The following POU2AF2 variants were observed in gnomAD, a reference collection of about 807,000 sequenced individuals.
The protein encoded by POU2AF2 is POU class 2 homeobox associating factor 2.
the POU2AF2 span, among the ~76,000 whole-genome samples, chr11:111,264,570 AAGAAAGG>A: frequency 3.1e-5 from 1 of 32,276 alleles, no homozygotes; most frequent in East Asian, 5.9e-4. Flanking sequence ...GAAAGAAAGA[AAGAAAGG>A]GAGAGAGAAA....
At chr11:111,254,958 T>C in the POU2AF2 span, among the ~76,000 whole-genome samples, 1 of 152,208 alleles carries the variant, frequency 6.6e-6, no homozygotes, top group Non-Finnish European at 1.5e-5. Flanking sequence ...GAAAACATCT[T>C]AGAATTCCTC....
the POU2AF2 span, among the ~76,000 whole-genome samples, chr11:111,258,905 T>C: frequency 6.6e-6 from 1 of 152,192 alleles, no homozygotes; most frequent in Non-Finnish European, 1.5e-5. Flanking sequence ...GCTGAGGTCT[T>C]GCTATTGACC....
At chr11:111,280,278 G>A in the POU2AF2 span, among the ~76,000 whole-genome samples, 1 of 151,892 alleles carries the variant, frequency 6.6e-6, no homozygotes, top group Non-Finnish European at 1.5e-5. Context: ...TCCTCCACAT[G>A]GATTCAGACA....
chr11:111,256,237 TGACA>T, the POU2AF2 span: 2 of 396,286 alleles, frequency 5.0e-6, no homozygotes, highest in Non-Finnish European at 8.9e-6. Flanking sequence ...AATTATTCTG[TGACA>T]GACAATCTTT....
At chr11:111,260,296 C>T in the POU2AF2 span, among the ~76,000 whole-genome samples, 26 of 152,238 alleles carry the variant, frequency 1.7e-4, no homozygotes, top group Non-Finnish European at 2.2e-4. Context: ...CAGTCAGAGG[C>T]CCTACCATGT....
the POU2AF2 span, among the ~76,000 whole-genome samples, chr11:111,252,275 C>T: frequency 6.6e-6 from 1 of 152,280 alleles, no homozygotes; most frequent in South Asian, 2.1e-4. Flanking sequence ...AAAGGCCTTA[C>T]TCATATGTAT....
chr11:111,258,763 A>G, the POU2AF2 span, among the ~76,000 whole-genome samples: 1 of 152,024 alleles, frequency 6.6e-6, no homozygotes, highest in Non-Finnish European at 1.5e-5. Flanking sequence ...TCATTGTGTC[A>G]TTTTTTTTAC....
At chr11:111,271,631 C>T in the POU2AF2 span, among the ~76,000 whole-genome samples, 1 of 152,044 alleles carries the variant, frequency 6.6e-6, no homozygotes, top group Non-Finnish European at 1.5e-5. Context: ...ACTGTCTTGC[C>T]CAGGCTAGTC....
At chr11:111,265,173 A>G in the POU2AF2 span, among the ~76,000 whole-genome samples, 55 of 152,144 alleles carry the variant, frequency 3.6e-4, 1 homozygote, top group Non-Finnish European at 1.2e-4. Flanking sequence ...TGTCTGCAGC[A>G]TAGAGAAGTG....
At chr11:111,273,769 T>C in the POU2AF2 span, among the ~76,000 whole-genome samples, 88 of 152,294 alleles carry the variant, frequency 5.8e-4, no homozygotes, top group African/African-American at 2.0e-3. Flanking sequence ...TTTACTACCT[T>C]GGTGACCTAT....
At chr11:111,265,957 C>T in the POU2AF2 span, among the ~76,000 whole-genome samples, 5 of 151,880 alleles carry the variant, frequency 3.3e-5, no homozygotes, top group Admixed American at 2.0e-4. Flanking sequence ...GTCGAGATGG[C>T]TAGAGTTGAA....
the POU2AF2 span, among the ~76,000 whole-genome samples, chr11:111,276,451 A>ATAT: frequency 5.9e-3 from 248 of 41,840 alleles, no homozygotes; most frequent in African/African-American, 0.017. Flanking sequence ...AAAAAAAAAA[A>ATAT]AAATATATAT....
the POU2AF2 span, among the ~76,000 whole-genome samples, chr11:111,252,809 A>G: frequency 6.6e-6 from 1 of 152,090 alleles, no homozygotes; most frequent in Non-Finnish European, 1.5e-5. Context: ...CCTTGACACC[A>G]TAATTCTCTC....
chr11:111,262,880 A>C, the POU2AF2 span, among the ~76,000 whole-genome samples: 1 of 152,242 alleles, frequency 6.6e-6, no homozygotes, highest in African/African-American at 2.4e-5. Flanking sequence ...AGTGAAGCAA[A>C]TTAATACATC....
At chr11:111,247,205 G>GAGAGAGAGAA in the POU2AF2 span, among the ~76,000 whole-genome samples, 1 of 151,950 alleles carries the variant, frequency 6.6e-6, no homozygotes, top group Non-Finnish European at 1.5e-5. Context: ...GAGAGAGAGA[G>GAGAGAGAGAA]AGAGAGAGAG....
the POU2AF2 span, among the ~76,000 whole-genome samples, chr11:111,278,246 G>T: frequency 4.6e-5 from 7 of 152,142 alleles, no homozygotes; most frequent in Admixed American, 1.3e-4. Context: ...AGATCCCACA[G>T]CTAATAAGAG....
At chr11:111,263,116 A>C in the POU2AF2 span, among the ~76,000 whole-genome samples, 2 of 152,184 alleles carry the variant, frequency 1.3e-5, no homozygotes, top group Non-Finnish European at 2.9e-5. Flanking sequence ...CTCATGTTGT[A>C]TGTTGGATGT....
the POU2AF2 span, among the ~76,000 whole-genome samples, chr11:111,249,059 C>A: frequency 6.6e-6 from 1 of 152,184 alleles, no homozygotes; most frequent in South Asian, 2.1e-4. Context: ...AAAAAAACAT[C>A]TTTTTCCAAA....
the POU2AF2 span, among the ~76,000 whole-genome samples, chr11:111,246,725 C>T: frequency 2.6e-5 from 4 of 152,082 alleles, no homozygotes; most frequent in Admixed American, 1.3e-4. Flanking sequence ...TTGAGATTCA[C>T]AGCATGTTAT....
Sources: allele counts gnomAD v4.1 joint callset (sites outside exome capture counted in the v4.1 genomes callset), GRCh38; gene constraint gnomAD v4.1.1; transcripts MANE v1.5; gene names NCBI Gene and HGNC (gene_info 2026-07-23, HGNC 2026-07-21).